Variants in MAML2 observed in about 807,000 individuals in gnomAD.
MAML2 encodes mastermind like transcriptional coactivator 2, also known as mastermind-like protein 2.
In MAML2, 22 loss-of-function variants were observed where a neutral mutation model predicts 96.1. The ratio of observed to expected loss-of-function variants is 0.23; its 90% confidence interval spans 0.16 to 0.33. MAML2 has a LOEUF of 0.33. Among genes scored for constraint, MAML2 ranks in the 10% least tolerant of loss-of-function variants. MAML2 has a pLI of 1.00. For synonymous variants in MAML2, 561 were observed against 521.3 expected, an observed-to-expected ratio of 1.08 and a Z score of -1.04; for missense variants, 1,367 against 1,392.4, an observed-to-expected ratio of 0.98 and a Z score of 0.29.
intron 1 of MAML2, among the ~76,000 whole-genome samples, chr11:96,117,326 C>T (rs1050174150): frequency 2.7e-5 from 4 of 149,422 alleles, no homozygotes; most frequent in Non-Finnish European, 5.9e-5. Flanking sequence ...GACAGGGTCT[C>T]GCTCTGTTGC....
intron 1 of MAML2, among the ~76,000 whole-genome samples, chr11:96,191,737 A>G (rs1199265677): frequency 6.9e-6 from 1 of 144,836 alleles, no homozygotes. Context: ...ACACCACTAC[A>G]CTCCAGCCTG....
chr11:96,256,800 A>G (rs2135970450), intron 1 of MAML2, among the ~76,000 whole-genome samples: 1 of 152,366 alleles, frequency 6.6e-6, no homozygotes, highest in Non-Finnish European at 1.5e-5. Flanking sequence ...CTGAAGCCAC[A>G]TAAGTATGTC....
intron 1 of MAML2, among the ~76,000 whole-genome samples, chr11:96,129,912 C>T (rs527724453): frequency 6.6e-6 from 1 of 152,288 alleles, no homozygotes; most frequent in Admixed American, 6.5e-5. Flanking sequence ...ATTTTTAAAG[C>T]TCCCCATTTG....
chr11:96,034,604 A>G (rs1858682273), intron 2 of MAML2, among the ~76,000 whole-genome samples: 1 of 152,236 alleles, frequency 6.6e-6, no homozygotes, highest in Admixed American at 6.5e-5. Context: ...TAGCAAAGTA[A>G]TAAGAAAAGA....
chr11:96,254,361 G>A (rs550298716), intron 1 of MAML2, among the ~76,000 whole-genome samples: 2 of 151,684 alleles, frequency 1.3e-5, no homozygotes, highest in African/African-American at 4.8e-5. Flanking sequence ...CCTCAGGGGC[G>A]AGTGGGAGTG....
At chr11:96,279,266 G>A (rs1384017848) in intron 1 of MAML2, among the ~76,000 whole-genome samples, 2 of 152,140 alleles carry the variant, frequency 1.3e-5, no homozygotes, top group Non-Finnish European at 1.5e-5. Flanking sequence ...ACGTTACCAC[G>A]GAGACTGCAC....
chr11:96,329,448 A>G (rs967795325), intron 1 of MAML2, among the ~76,000 whole-genome samples: 2 of 152,162 alleles, frequency 1.3e-5, no homozygotes, highest in African/African-American at 4.8e-5. Flanking sequence ...GCTCCTTTCA[A>G]TTCTTCCTCA....
intron 1 of MAML2, among the ~76,000 whole-genome samples, chr11:96,245,854 G>GCCA (rs1233792725): frequency 5.9e-5 from 9 of 151,742 alleles, no homozygotes; most frequent in Admixed American, 5.9e-4. Flanking sequence ...ACAGGTGTGC[G>GCCA]CCACCACATC....
chr11:96,326,366 T>TGTG (rs1863780117), intron 1 of MAML2, among the ~76,000 whole-genome samples: 1 of 150,172 alleles, frequency 6.7e-6, no homozygotes, highest in South Asian at 2.1e-4. Flanking sequence ...AGCGTGTGTG[T>TGTG]GTGTGTGTGT....
chr11:96,291,922 A>G (rs1591117191), intron 1 of MAML2, among the ~76,000 whole-genome samples: 2 of 152,202 alleles, frequency 1.3e-5, no homozygotes, highest in African/African-American at 4.8e-5. Context: ...GTCTGCTGCC[A>G]TAGATCCATG....
At chr11:96,231,746 A>G (rs147899875) in intron 1 of MAML2, among the ~76,000 whole-genome samples, 3 of 152,358 alleles carry the variant, frequency 2.0e-5, no homozygotes, top group Admixed American at 1.3e-4. Flanking sequence ...GTAAGCAGTC[A>G]AGGAAGCACT....
At chr11:96,211,455 A>AG (rs1861970265) in intron 1 of MAML2, among the ~76,000 whole-genome samples, 1 of 151,762 alleles carries the variant, frequency 6.6e-6, no homozygotes, top group Admixed American at 6.6e-5. Flanking sequence ...TTAAAAAAAA[A>AG]AAAAAAGAAA....
intron 2 of MAML2, among the ~76,000 whole-genome samples, chr11:96,081,903 C>T (rs1240215782): frequency 6.6e-6 from 1 of 152,126 alleles, no homozygotes; most frequent in Non-Finnish European, 1.5e-5. Context: ...TATAAATTCT[C>T]AATAATGTAT....
At chr11:96,283,309 A>C (rs1317787211) in intron 1 of MAML2, among the ~76,000 whole-genome samples, 1 of 152,192 alleles carries the variant, frequency 6.6e-6, no homozygotes, top group Non-Finnish European at 1.5e-5. Flanking sequence ...TATTAACCAG[A>C]AATTAAGTAA....
At chr11:96,060,133 G>A (rs1265322997) in intron 2 of MAML2, among the ~76,000 whole-genome samples, 2 of 152,192 alleles carry the variant, frequency 1.3e-5, no homozygotes, top group African/African-American at 2.4e-5. Flanking sequence ...GGTAGAAGCT[G>A]TTATGGTAAA....
intron 1 of MAML2, among the ~76,000 whole-genome samples, chr11:96,130,845 C>T (rs1284119391): frequency 6.6e-6 from 1 of 151,604 alleles, no homozygotes; most frequent in Non-Finnish European, 1.5e-5. Context: ...TTCCTATTAA[C>T]TTCTACCCTT....
intron 2 of MAML2, among the ~76,000 whole-genome samples, chr11:96,045,597 G>A (rs982623927): frequency 6.6e-6 from 1 of 152,188 alleles, no homozygotes; most frequent in Non-Finnish European, 1.5e-5. Context: ...AAATTGGTGT[G>A]TATAGAAAGT....
rs1428215734 is a variant in MAML2 at position 96,236,403 on chromosome 11, A to G, written c.513+104980T>C. The stretch of plus-strand genomic sequence containing the variant: ...GAAAATGCACTAGACCTCAGTTCTA[A>G]TAACTATTATTTTAAAACCCGAAAG... On this transcript the variant is annotated intron_variant, in intron 1 of 4. Coordinates refer to ENST00000524717, the MANE Select transcript of MAML2 (RefSeq NM_032427.4). Among the ~76,000 whole-genome samples the G allele has an allele frequency of 5.6e-5, 8 of 143,602 alleles. No homozygotes were observed. The Admixed American group carries it at 5.8e-4, about 10-fold the overall frequency. 94.2% of individuals were successfully genotyped at this position (143,602 alleles called of 152,430 possible).
chr11:96,287,966 C>T lies in MAML2; in HGVS notation c.513+53417G>A, dbSNP rs115443625. 7.4e-3 allele frequency among the ~76,000 whole-genome samples: 1,128 copies of T among 152,118 alleles called. 19 individuals are homozygous for T. The highest frequency in any genetic ancestry group is 0.026 in the African/African-American group (1,068 of 41,508). On this transcript the variant is annotated intron_variant, in intron 1 of 4. Coordinates refer to ENST00000524717, the MANE Select transcript of MAML2 (RefSeq NM_032427.4). ...TGCAGTGGAACGGAGACACTGAATC[C>T]CAAAAGGGCCCTACATAAACTCTGA... is the stretch of plus-strand genomic sequence containing the variant.
Sources: allele counts gnomAD v4.1 joint callset (sites outside exome capture counted in the v4.1 genomes callset), GRCh38; gene constraint gnomAD v4.1.1; transcripts MANE v1.5; gene names NCBI Gene and HGNC (gene_info 2026-07-23, HGNC 2026-07-21).